The following AUTS2 variants were observed in gnomAD, a reference collection of about 807,000 sequenced individuals.
The protein encoded by AUTS2 is activator of transcription and developmental regulator AUTS2, also known as autism susceptibility gene 2 protein.
In AUTS2, 17 loss-of-function variants were observed where a neutral mutation model predicts 112.4. The ratio of observed to expected loss-of-function variants is 0.15; its 90% CI spans 0.10 to 0.23. The LOEUF is 0.23. Among genes scored for constraint, AUTS2 ranks in the 10% least tolerant of loss-of-function variants. AUTS2 has a pLI of 1.00. For missense variants in AUTS2, 1,510 were observed against 1,701.6 expected (o/e 0.89, Z 1.98); for synonymous variants, 751 against 702.7 (o/e 1.07, Z -1.09).
intron 2 of AUTS2, among the ~76,000 whole-genome samples, chr7:70,114,109 G>C (rs531922972): frequency 6.6e-6 from 1 of 152,278 alleles, no homozygotes; most frequent in East Asian, 1.9e-4. Flanking sequence ...GATACCAGCT[G>C]GCTTTCATTT....
Position 70,737,769 on chromosome 7 carries a change from G to T in AUTS2, c.743-25101G>T, listed in dbSNP as rs543155164. 6.6e-5 allele frequency among the ~76,000 whole-genome samples: 10 copies of T among 152,298 alleles called. No homozygotes were observed. The East Asian group carries it at 1.7e-3, about 26-fold the overall frequency. ...CCAGAGAGGAGGAGGAGCCAGGGGG[G>T]TGAAGAGAAGTCCTGACCTATTTTA... On this transcript the variant is annotated intron_variant, in intron 6 of 18. Coordinates refer to ENST00000342771, the MANE Select transcript of AUTS2 (RefSeq NM_015570.4).
intron 4 of AUTS2, among the ~76,000 whole-genome samples, chr7:70,386,370 A>G (rs1354191916): frequency 6.6e-6 from 1 of 152,220 alleles, no homozygotes; most frequent in East Asian, 1.9e-4. Flanking sequence ...CATTTATTGA[A>G]ATACGATTCA....
At chr7:70,303,434 G>GCGCGCGCACACACACA (rs1241517255) in intron 4 of AUTS2, among the ~76,000 whole-genome samples, 40 of 142,048 alleles carry the variant, frequency 2.8e-4, no homozygotes, top group African/African-American at 7.9e-4. Flanking sequence ...GCGCGCGCGC[G>GCGCGCGCACACACACA]CACATACACA....
In AUTS2 at chr7:70,298,035, T is replaced by A. The variant is rs538830201; in HGVS notation, c.661-137717T>A. ...TTTTTTTGGTTTTTTTTGGGTTTTT[T>A]TTGTTTTGTTTTTTGAGACGGAATC... is the stretch of plus-strand genomic sequence containing the variant. On this transcript the variant is annotated intron_variant, in intron 4 of 18. Coordinates refer to ENST00000342771, the MANE Select transcript of AUTS2 (RefSeq NM_015570.4). Among the ~76,000 whole-genome samples the A allele has an allele frequency of 1.7e-3, 264 of 152,130 alleles. 8 individuals are homozygous for A. The South Asian group carries it at 0.052, about 30-fold the overall frequency.
intron 1 of AUTS2, among the ~76,000 whole-genome samples, chr7:69,659,209 G>C (rs1033280481): frequency 2.0e-5 from 3 of 152,170 alleles, no homozygotes; most frequent in African/African-American, 4.8e-5. Flanking sequence ...TGGAACTATT[G>C]TTTGGTCTGC....
intron 1 of AUTS2, among the ~76,000 whole-genome samples, chr7:69,857,854 A>G (rs1334220967): frequency 1.3e-5 from 2 of 152,102 alleles, no homozygotes; most frequent in Non-Finnish European, 2.9e-5. Flanking sequence ...GGTGATGAAT[A>G]ACACCTGTGT....
chr7:69,607,253 A>G (rs1402316462), intron 1 of AUTS2, among the ~76,000 whole-genome samples: 1 of 152,146 alleles, frequency 6.6e-6, no homozygotes, highest in African/African-American at 2.4e-5. Flanking sequence ...TATTTCATAT[A>G]TTAGTGTATG....
chr7:70,414,037 T>G (rs1794891629), intron 4 of AUTS2, among the ~76,000 whole-genome samples: 1 of 152,188 alleles, frequency 6.6e-6, no homozygotes, highest in Non-Finnish European at 1.5e-5. Flanking sequence ...GAGACTTCAG[T>G]CATATCCTCC....
At chr7:69,777,218 T>C (rs1409787037) in intron 1 of AUTS2, among the ~76,000 whole-genome samples, 2 of 152,192 alleles carry the variant, frequency 1.3e-5, no homozygotes, top group Non-Finnish European at 2.9e-5. Context: ...TTTTAATAAA[T>C]GGAGGATATC....
intron 2 of AUTS2, among the ~76,000 whole-genome samples, chr7:70,094,354 A>G (rs895616233): frequency 3.9e-5 from 6 of 152,222 alleles, no homozygotes; most frequent in Admixed American, 6.5e-5. Context: ...TCTGTTAACA[A>G]TTAAGGAAGT....
intron 4 of AUTS2, among the ~76,000 whole-genome samples, chr7:70,395,265 G>A (rs1794028430): frequency 6.6e-6 from 1 of 152,036 alleles, no homozygotes; most frequent in Non-Finnish European, 1.5e-5. Flanking sequence ...TTAGCCAGGT[G>A]TTGTGGCTCA....
At chr7:70,068,479 C>A (rs751542941) in intron 2 of AUTS2, among the ~76,000 whole-genome samples, 2 of 151,940 alleles carry the variant, frequency 1.3e-5, no homozygotes, top group African/African-American at 2.4e-5. Flanking sequence ...CCACTGTGCC[C>A]GGCCATAAGT....
chr7:70,255,920 C>T (rs1488617835), intron 4 of AUTS2, among the ~76,000 whole-genome samples: 1 of 152,200 alleles, frequency 6.6e-6, no homozygotes, highest in Non-Finnish European at 1.5e-5. Context: ...AAGAACCAGC[C>T]TATAACTTTT....
intron 1 of AUTS2, among the ~76,000 whole-genome samples, chr7:69,837,072 C>G (rs761973294): frequency 5.3e-5 from 8 of 152,038 alleles, no homozygotes; most frequent in Non-Finnish European, 1.0e-4. Context: ...CATGAAATAG[C>G]GACAAATCAG....
chr7:70,004,461 T>A (rs1799449185), intron 2 of AUTS2, among the ~76,000 whole-genome samples: 3 of 144,600 alleles, frequency 2.1e-5, no homozygotes, highest in Admixed American at 1.4e-4. Flanking sequence ...GCCATAGAGA[T>A]TCAGAACTAA....
chr7:70,467,634 C>T (rs1442352559), intron 5 of AUTS2, among the ~76,000 whole-genome samples: 1 of 152,158 alleles, frequency 6.6e-6, no homozygotes, highest in Non-Finnish European at 1.5e-5. Flanking sequence ...TCTTATACAA[C>T]CCAACAGGGT....
At chr7:70,144,668 C>T (rs536138056) in intron 4 of AUTS2, among the ~76,000 whole-genome samples, 7 of 152,086 alleles carry the variant, frequency 4.6e-5, no homozygotes, top group Non-Finnish European at 4.4e-5. Flanking sequence ...CTTCAGAAAT[C>T]ACCTTACCCA....
At chr7:70,451,981 T>C (rs759022145) in intron 5 of AUTS2, among the ~76,000 whole-genome samples, 2 of 152,166 alleles carry the variant, frequency 1.3e-5, no homozygotes, top group Non-Finnish European at 2.9e-5. Context: ...TGAGGCCATA[T>C]AGCTTTGGAT....
At chr7:70,163,041 A>T (rs910321786) in intron 4 of AUTS2, among the ~76,000 whole-genome samples, 1 of 151,926 alleles carries the variant, frequency 6.6e-6, no homozygotes, top group African/African-American at 2.4e-5. Flanking sequence ...TTTAAAAGAG[A>T]TGACTTTGCC....
Sources: gnomAD v4.1 joint callset for allele counts (sites outside exome capture counted in the v4.1 genomes callset) on GRCh38, gnomAD v4.1.1 for gene constraint, MANE v1.5 for transcripts, NCBI Gene and HGNC (gene_info 2026-07-23, HGNC 2026-07-21) for gene names.